The following CDH18 variants were observed in gnomAD, a reference collection of about 807,000 sequenced individuals.
CDH18 encodes cadherin 18.
Under a neutral mutation model 67.9 loss-of-function variants are expected in CDH18, and 31 were observed. That is an observed-to-expected ratio of 0.46 (90% CI 0.34 to 0.62). CDH18 has a LOEUF of 0.62. Among genes scored for constraint, CDH18 ranks in the 20% least tolerant of loss-of-function variants. The pLI is 0.01. For synonymous variants in CDH18, 362 were observed against 347.2 expected (o/e 1.04, Z -0.48); for missense variants, 890 against 975.5 (o/e 0.91, Z 1.17).
intron 1 of CDH18, chr5:20,305,216 C>T: frequency 3.6e-6 from 5 of 1,379,226 alleles, no homozygotes; most frequent in South Asian, 1.2e-5. Flanking sequence ...TTCCCTCCAG[C>T]ACCACTACCA....
chr5:20,088,214 A>G (rs530228340), intron 2 of CDH18, among the ~76,000 whole-genome samples: 1 of 152,204 alleles, frequency 6.6e-6, no homozygotes, highest in Non-Finnish European at 1.5e-5. Context: ...TATGCCAGCC[A>G]CTATACTTGG....
intron 3 of CDH18, among the ~76,000 whole-genome samples, chr5:19,765,798 T>A (rs1270070297): frequency 1.3e-5 from 2 of 152,086 alleles, no homozygotes; most frequent in Non-Finnish European, 2.9e-5. Context: ...CACATTGAAA[T>A]AAAAATCCTG....
At chr5:20,283,347 C>T (rs1363817439) in intron 1 of CDH18, among the ~76,000 whole-genome samples, 1 of 151,896 alleles carries the variant, frequency 6.6e-6, no homozygotes, top group Non-Finnish European at 1.5e-5. Flanking sequence ...GCAAAATATC[C>T]ATCTGACAAG....
At chr5:20,525,101 G>A (rs1755969068) in intron 1 of CDH18, among the ~76,000 whole-genome samples, 2 of 152,218 alleles carry the variant, frequency 1.3e-5, no homozygotes, top group Non-Finnish European at 2.9e-5. Flanking sequence ...CTAGCAACAC[G>A]GCATGGTCTG....
At chr5:19,612,310 C>A in intron 6 of CDH18, 124 bp downstream of exon 6, 1 of 846,170 alleles carries the variant, frequency 1.2e-6, no homozygotes, top group Non-Finnish European at 1.8e-6. Context: ...GAAGGGTGAT[C>A]ATATAGTACA....
In CDH18 at chr5:19,612,562, G is replaced by T. The variant is rs1749161540; in HGVS notation, c.683C>A (p.Ala228Asp). The change falls in exon 6 of 13, where the codon GCC becomes GAC. Residue 228 changes from alanine (A) to aspartate (D), a missense_variant. By Grantham distance (126) the Ala-to-Asp change is moderately radical (BLOSUM62 -2). Transcript: ENST00000382275. ...RTALHNMDRE[A>D]REHYSVVIQA... ...AATGACTACGGAGTAATGTTCTCTG[G>T]CTTCTCTGTCCATGTTATGTAAGGC... 1 of 1,613,714 alleles carries T rather than the reference G, an allele frequency of 6.2e-7. No individual in the cohort carries two copies. Among genetic ancestry groups the T allele is most frequent in the African/African-American group, 1.3e-5 (1 of 74,866 alleles).
At chr5:20,288,828 A>C (rs186719684) in intron 1 of CDH18, among the ~76,000 whole-genome samples, 413 of 152,100 alleles carry the variant, frequency 2.7e-3, no homozygotes, top group African/African-American at 9.1e-3. Flanking sequence ...TTTCAGCAGA[A>C]TGAAAATTTG....
At chr5:20,556,846 T>C (rs1333771150) in intron 1 of CDH18, among the ~76,000 whole-genome samples, 3 of 152,194 alleles carry the variant, frequency 2.0e-5, no homozygotes, top group Non-Finnish European at 2.9e-5. Context: ...TTTTGTTCTC[T>C]TAACTATGAG....
intron 2 of CDH18, among the ~76,000 whole-genome samples, chr5:20,133,838 G>T (rs897378114): frequency 1.3e-5 from 2 of 151,892 alleles, no homozygotes; most frequent in African/African-American, 4.8e-5. Flanking sequence ...TCAATGACTT[G>T]GTGTCTGCCA....
intron 1 of CDH18, among the ~76,000 whole-genome samples, chr5:20,391,010 G>A (rs1253173561): frequency 6.6e-6 from 1 of 151,976 alleles, no homozygotes; most frequent in East Asian, 1.9e-4. Context: ...GGGAGGGATA[G>A]CATTTGGAGA....
intron 3 of CDH18, among the ~76,000 whole-genome samples, chr5:19,834,777 A>G (rs180714789): frequency 6.6e-6 from 1 of 152,194 alleles, no homozygotes; most frequent in Admixed American, 6.5e-5. Flanking sequence ...TAATTTCATT[A>G]TTTACCCAGG....
intron 7 of CDH18, among the ~76,000 whole-genome samples, chr5:19,581,642 C>T (rs1743271768): frequency 6.6e-6 from 1 of 152,012 alleles, no homozygotes; most frequent in Admixed American, 6.6e-5. Flanking sequence ...GCTTCACCAG[C>T]ATCCAGATTT....
intron 2 of CDH18, among the ~76,000 whole-genome samples, chr5:20,021,098 C>T (rs952238451): frequency 2.0e-5 from 3 of 151,948 alleles, no homozygotes; most frequent in African/African-American, 7.3e-5. Context: ...TTAACGACTG[C>T]CCTACTGGGT....
At chr5:19,549,695 AAAG>A (rs1424016409) in intron 8 of CDH18, among the ~76,000 whole-genome samples, 2 of 151,144 alleles carry the variant, frequency 1.3e-5, no homozygotes, top group African/African-American at 4.9e-5. Flanking sequence ...AAAGCGAAAG[AAAG>A]AAGAAAGAAA....
chr5:19,606,911 A>G (rs1335501504), intron 6 of CDH18, among the ~76,000 whole-genome samples: 1 of 151,764 alleles, frequency 6.6e-6, no homozygotes, highest in Non-Finnish European at 1.5e-5. Context: ...TATAACAAAG[A>G]ATATCTTAAT....
chr5:20,223,798 T>C (rs1322102509), intron 2 of CDH18, among the ~76,000 whole-genome samples: 1 of 152,122 alleles, frequency 6.6e-6, no homozygotes, highest in East Asian at 1.9e-4. Flanking sequence ...ACTTGTGTTC[T>C]CTCTTGCCTG....
At chr5:20,493,381 A>AAAAAAAAAAAC (rs1753707400) in intron 1 of CDH18, among the ~76,000 whole-genome samples, 1 of 57,114 alleles carries the variant, frequency 1.8e-5, no homozygotes, top group African/African-American at 4.8e-5. Context: ...AAAAAAAAAA[A>AAAAAAAAAAAC]AAAAGCAAAG....
intron 3 of CDH18, among the ~76,000 whole-genome samples, chr5:19,800,325 C>T (rs1311526858): frequency 3.3e-5 from 5 of 151,990 alleles, no homozygotes; most frequent in Admixed American, 6.6e-5. Context: ...GCATTTAGCA[C>T]GTAGTCATAA....
intron 8 of CDH18, among the ~76,000 whole-genome samples, chr5:19,558,232 G>T (rs1352779689): frequency 1.3e-5 from 2 of 149,590 alleles, no homozygotes; most frequent in Non-Finnish European, 3.0e-5. Context: ...AACATGTCAA[G>T]GAAGTAGAGA....
Sources: gnomAD v4.1 joint callset for allele counts (sites outside exome capture counted in the v4.1 genomes callset) on GRCh38, gnomAD v4.1.1 for gene constraint, MANE v1.5 for transcripts, NCBI Gene and HGNC (gene_info 2026-07-23, HGNC 2026-07-21) for gene names.